The following SIN3A variants were observed in gnomAD, a reference collection of about 807,000 sequenced individuals.
The protein encoded by SIN3A is SIN3 transcription regulator family member A, also known as paired amphipathic helix protein Sin3a.
SIN3A carries 14 observed loss-of-function variants against 146.1 expected under a neutral mutation model. That is an observed-to-expected ratio of 0.10 (90% CI 0.06 to 0.15). SIN3A has a LOEUF of 0.15. Among genes scored for constraint, SIN3A ranks in the 10% least tolerant of loss-of-function variants. The probability of loss-of-function intolerance (pLI) is 1.00; values close to 1 mark genes in which losing one functional copy is unlikely to be tolerated. For synonymous variants in SIN3A, 572 were observed against 572.0 expected, an observed-to-expected ratio of 1.00 and a Z score of 0.00; for missense variants, 1,028 against 1,576.0, an observed-to-expected ratio of 0.65 and a Z score of 5.89.
At chr15:75,442,896 C>G (rs1438659986) in intron 1 of SIN3A, among the ~76,000 whole-genome samples, 5 of 142,040 alleles carry the variant, frequency 3.5e-5, no homozygotes, top group African/African-American at 1.3e-4. Flanking sequence ...TGTGCCATGG[C>G]ACTCTAGCCT....
At chr15:75,409,297 T>TTTA (rs2073581194) in intron 8 of SIN3A, among the ~76,000 whole-genome samples, 1 of 152,068 alleles carries the variant, frequency 6.6e-6, no homozygotes, top group Admixed American at 6.6e-5. Context: ...AAAGGAGAGA[T>TTTA]AATAAAGAAC....
Position 75,380,669 on chromosome 15 carries a change from G to T in SIN3A, c.3343C>A (p.Leu1115Ile). The T allele has an allele frequency of 6.2e-7, 1 of 1,614,072 alleles. No individual in the cohort carries two copies. The highest frequency in any genetic ancestry group is 8.5e-7 in the Non-Finnish European group (1 of 1,179,980). The change falls in exon 19 of 21, where the codon CTT becomes ATT. Residue 1115 changes from leucine to isoleucine, a missense_variant. Physicochemically the swap from Leu to Ile is conservative, Grantham distance 5. This residue lies in a region of SIN3A where 488 missense variants were observed against 690.2 expected (regional missense o/e 0.71). Transcript: ENST00000394947. ...YMNSDTTSPE[L>I]REHLAQKPVF... Reference sequence around the variant, plus strand: ...GGTTTCTGTGCTAGATGTTCACGAAGCTCAGGCGAGGTAGTATCTGAATTC... The same window carrying T: ...GGTTTCTGTGCTAGATGTTCACGAATCTCAGGCGAGGTAGTATCTGAATTC...
Position 75,430,056 on chromosome 15 carries a change from T to TC in SIN3A, c.189+130_189+131insG, listed in dbSNP as rs2073989121. On this transcript the variant is annotated intron_variant, in intron 2 of 20. Transcript: ENST00000394947. ...AAAACTTGTATGGTGAGTACACAGTTATTTTTTTTTTTACCTTACACATAC... is the reference window on the plus strand; with the variant it reads ...AAAACTTGTATGGTGAGTACACAGTTCATTTTTTTTTTTACCTTACACATAC... 10 of 696,818 alleles carry TC rather than the reference T, an allele frequency of 1.4e-5. No homozygotes were observed. In the African/African-American group the frequency reaches 1.8e-4, roughly 13 times the overall value. 43.2% of individuals were successfully genotyped at this position (696,818 alleles called of 1,614,324 possible).
rs546414492 is a variant in SIN3A at position 75,442,152 on chromosome 15, A to C, written c.-34+9271T>G. Reference sequence around the variant, plus strand: ...AAAAAAAAAAAAAAAAAAAAAAAAAAACTGATTTTTTTTTTCATTTTTACA... The same window carrying C: ...AAAAAAAAAAAAAAAAAAAAAAAAACACTGATTTTTTTTTTCATTTTTACA... On this transcript the variant is annotated intron_variant, in intron 1 of 20. Coordinates refer to ENST00000394947, the MANE Select transcript of SIN3A (RefSeq NM_001145358.2). 8.8e-3 allele frequency among the ~76,000 whole-genome samples: 1,194 copies of C among 135,208 alleles called. 81 individuals are homozygous for C. Among genetic ancestry groups the C allele is most frequent in the Admixed American group, 0.065 (819 of 12,530 alleles). The allele number at this position is 135,208 out of a possible 152,430, so 88.7% of individuals were successfully genotyped here. A position where few individuals can be genotyped will look rare whatever the true frequency, so the allele number is the denominator to read the frequency against.
At chr15:75,406,108 A>T (rs544448715) in intron 9 of SIN3A, among the ~76,000 whole-genome samples, 1 of 152,224 alleles carries the variant, frequency 6.6e-6, no homozygotes, top group Non-Finnish European at 1.5e-5. Flanking sequence ...AATAGAGTCA[A>T]TCACCACAGA....
chr15:75,386,940 G>C (rs2073095394), intron 16 of SIN3A, among the ~76,000 whole-genome samples: 1 of 152,096 alleles, frequency 6.6e-6, no homozygotes, highest in Non-Finnish European at 1.5e-5. Flanking sequence ...TGAGTAGCTG[G>C]GACTACAGGC....
At chr15:75,381,741 G>A (rs780671747) in intron 17 of SIN3A, 36 bp from the exon 18 acceptor site, 17 of 1,504,688 alleles carry the variant, frequency 1.1e-5, no homozygotes, top group Non-Finnish European at 1.5e-5. Context: ...ACAAAAGACC[G>A]TCTCTGTAGC....
chr15:75,407,796 GAC>G (rs1283426342), intron 8 of SIN3A, among the ~76,000 whole-genome samples: 1 of 142,668 alleles, frequency 7.0e-6, no homozygotes, highest in African/African-American at 2.6e-5. Context: ...AGGAGGCTGA[GAC>G]AGAAGAATCG....
At chr15:75,438,504 TGA>T (rs1715716038) in intron 1 of SIN3A, among the ~76,000 whole-genome samples, 1 of 152,000 alleles carries the variant, frequency 6.6e-6, no homozygotes, top group African/African-American at 2.4e-5. Flanking sequence ...GGCAACAAAG[TGA>T]GACACCGTCT....
At chr15:75,399,033 TAAAAAAAA>T (rs540802077) in intron 12 of SIN3A, among the ~76,000 whole-genome samples, 1 of 131,072 alleles carries the variant, frequency 7.6e-6, no homozygotes, top group Non-Finnish European at 1.7e-5. Flanking sequence ...ATTTAAAGTT[TAAAAAAAA>T]AAAAAAAAAA....
At chr15:75,452,413 G>A (rs996494084), upstream of SIN3A, among the ~76,000 whole-genome samples, 5 of 152,204 alleles carry the variant, frequency 3.3e-5, no homozygotes, top group Admixed American at 1.3e-4. Context: ...AGGAAAGGCA[G>A]CCCACCATGG....
intron 1 of SIN3A, among the ~76,000 whole-genome samples, chr15:75,435,493 T>C (rs1323251200): frequency 6.6e-6 from 1 of 151,886 alleles, no homozygotes; most frequent in African/African-American, 2.4e-5. Flanking sequence ...AGTTTGGGAG[T>C]TCGAGACCAA....
In SIN3A at chr15:75,442,813, T is replaced by C. The variant is rs992481925; in HGVS notation, c.-34+8610A>G. 3.3e-5 allele frequency among the ~76,000 whole-genome samples: 5 copies of C among 150,642 alleles called. No individual in the cohort carries two copies. The East Asian group carries it at 9.8e-4, about 30-fold the overall frequency. On this transcript the variant is annotated intron_variant, in intron 1 of 20. Transcript: ENST00000394947. The stretch of plus-strand genomic sequence containing the variant: ...CAGGCATGGTGGTACATGCCTGTAA[T>C]CCCAGCTACTTGGGAGGCTAAGGCA...
chr15:75,449,737 T>C (rs1320243789), intron 1 of SIN3A, among the ~76,000 whole-genome samples: 1 of 152,230 alleles, frequency 6.6e-6, no homozygotes, highest in Non-Finnish European at 1.5e-5. Context: ...AAAAGACTTT[T>C]CACCTATAGT....
At chr15:75,454,393 G>A (rs1384671322), upstream of SIN3A, among the ~76,000 whole-genome samples, 3 of 152,014 alleles carry the variant, frequency 2.0e-5, no homozygotes, top group Non-Finnish European at 2.9e-5. Flanking sequence ...CGGCGGAGTA[G>A]ATAGTAAACA....
At chr15:75,445,382 A>C (rs1290116844) in intron 1 of SIN3A, among the ~76,000 whole-genome samples, 1 of 55,794 alleles carries the variant, frequency 1.8e-5, no homozygotes. Context: ...CACTGTCTCA[A>C]AAAAAAAAAA....
chr15:75,440,869 C>A (rs942356349), intron 1 of SIN3A, among the ~76,000 whole-genome samples: 2 of 150,938 alleles, frequency 1.3e-5, no homozygotes, highest in Non-Finnish European at 2.9e-5. Flanking sequence ...GTAGTCCCAG[C>A]TGCTCGGGAG....
rs1431278867 is a variant in SIN3A, at chr15:75,401,904, G to C, written c.1474C>G (p.Gln492Glu). The change falls in exon 10 of 21, where the codon CAG becomes GAG. Residue 492 changes from glutamine (Q) to glutamate (E), a missense_variant. Physicochemically the swap from Gln to Glu is conservative, Grantham distance 29 (BLOSUM62 2). Transcript: ENST00000394947. ...NFLRCLVIFN[Q>E]EVISRAELVQ... is the part of the protein sequence containing the mutation. ...AGCTCAGCACGAGAGATCACCTCCT[G>C]GTTAAAAATAACAAGACAGCGTAGG... is the stretch of plus-strand genomic sequence containing the variant. 1 of 1,613,940 alleles carries C rather than the reference G, an allele frequency of 6.2e-7. No individual in the cohort carries two copies. Among genetic ancestry groups the C allele is most frequent in the Non-Finnish European group, 8.5e-7 (1 of 1,179,856 alleles).
At chr15:75,442,037 T>C (rs962475003) in intron 1 of SIN3A, among the ~76,000 whole-genome samples, 2 of 135,702 alleles carry the variant, frequency 1.5e-5, no homozygotes, top group Non-Finnish European at 3.0e-5. Flanking sequence ...GGAGAATCGC[T>C]TGAACCCAGG....
Sources: allele counts gnomAD v4.1 joint callset (sites outside exome capture counted in the v4.1 genomes callset), GRCh38; gene constraint gnomAD v4.1.1; regional missense constraint gnomAD v4.1.1; transcripts MANE v1.5; gene names NCBI Gene and HGNC (gene_info 2026-07-23, HGNC 2026-07-21).